Variants in CAMK1 observed in about 807,000 individuals in gnomAD.
The protein encoded by CAMK1 is calcium/calmodulin-dependent protein kinase type 1.
Under a neutral mutation model 49.1 loss-of-function variants are expected in CAMK1, and 39 were observed. The observed-to-expected ratio is 0.79, with a 90% CI of 0.62 to 1.04. The LOEUF (loss-of-function observed/expected upper bound fraction) is 1.04. CAMK1 is among the 50% of genes least tolerant of loss of function. The pLI, the probability that CAMK1 is intolerant of heterozygous loss-of-function variation, is 0.00. For synonymous variants in CAMK1, 192 were observed against 185.2 expected (o/e 1.04, Z -0.30); for missense variants, 457 against 472.2 (o/e 0.97, Z 0.30).
intron 2 of CAMK1, chr3:9,766,666 A>T: frequency 5.8e-6 from 6 of 1,035,004 alleles, no homozygotes; most frequent in Non-Finnish European, 7.0e-6. Context: ...CTGATTAAAG[A>T]GGATTTGCTA....
chr3:9,769,083 C>T (rs528486007), intron 1 of CAMK1, among the ~76,000 whole-genome samples: 1 of 152,044 alleles, frequency 6.6e-6, no homozygotes, highest in Non-Finnish European at 1.5e-5. Flanking sequence ...GACACCTGAT[C>T]ATACATGTAC....
chr3:9,758,834 TG>T (rs2077710691), intron 10 of CAMK1: 1 of 291,900 alleles, frequency 3.4e-6, no homozygotes, highest in Non-Finnish European at 6.7e-6. Context: ...TTTGCCATGT[TG>T]GCCAGGATGG....
chr3:9,759,356 G>T, intron 10 of CAMK1, 132 bp downstream of exon 10: 5 of 1,538,398 alleles, frequency 3.3e-6, no homozygotes, highest in Non-Finnish European at 4.5e-6. Flanking sequence ...AATGAATGAA[G>T]TCCTTCAGTA....
intron 5 of CAMK1, among the ~76,000 whole-genome samples, chr3:9,762,611 C>T (rs1376248156): frequency 6.6e-6 from 1 of 151,866 alleles, no homozygotes; most frequent in East Asian, 1.9e-4. Context: ...GTGATCCACC[C>T]GTCTCTGCCT....
intron 1 of CAMK1, among the ~76,000 whole-genome samples, chr3:9,769,467 A>C (rs1202137777): frequency 6.6e-6 from 1 of 152,070 alleles, no homozygotes; most frequent in African/African-American, 2.4e-5. Context: ...TCTGGAACAA[A>C]AAACACACAG....
Position 9,757,631 on chromosome 3 carries a change from A to C in CAMK1, c.1031-10T>G, listed in dbSNP as rs1421339777. 6.2e-7 allele frequency: 1 copy of C among 1,614,118 alleles called. No individual in the cohort carries two copies. Among genetic ancestry groups the C allele is most frequent in the Non-Finnish European group, 8.5e-7 (1 of 1,180,012 alleles). ...CAGCCAGCTGCCGGCCCTGCATGGG[A>C]AGACAGAACAGAGGTGGCCGCAGGG... On this transcript the variant is annotated splice_polypyrimidine_tract_variant and intron_variant, in intron 11 of 11. Transcript: ENST00000256460. The surrounding 1 kb of genome is among the most constrained non-coding windows in gnomAD (Gnocchi z 4.5).
chr3:9,759,781 G>A, intron 8 of CAMK1, 31 bp from the exon 9 acceptor site: 10 of 1,614,022 alleles, frequency 6.2e-6, no homozygotes, highest in Non-Finnish European at 8.5e-6. Flanking sequence ...CAAAGATAAT[G>A]ACAGCATGGT....
intron 1 of CAMK1, among the ~76,000 whole-genome samples, chr3:9,769,037 C>T (rs769655232): frequency 2.6e-5 from 4 of 152,060 alleles, no homozygotes; most frequent in Non-Finnish European, 5.9e-5. Context: ...AAACACCTGC[C>T]TCCCAGATCC....
At chr3:9,765,259 G>A (rs939162137) in intron 3 of CAMK1, among the ~76,000 whole-genome samples, 1 of 152,066 alleles carries the variant, frequency 6.6e-6, no homozygotes, top group African/African-American at 2.4e-5. Flanking sequence ...GCCCAGGGTG[G>A]TTGGAAGCTC....
intron 4 of CAMK1, 32 bp downstream of exon 4, chr3:9,763,105 GGT>G: frequency 2.5e-6 from 4 of 1,614,164 alleles, no homozygotes; most frequent in Non-Finnish European, 2.5e-6. Flanking sequence ...AGCTGGGAGA[GGT>G]GTGGGGGCAG....
rs544188374 is a variant in CAMK1 at position 9,761,341 on chromosome 3, TGGAAGGAAGGGAGGGAG to T, written c.632+103_632+119del. 3.3e-4 allele frequency: 321 copies of T among 984,704 alleles called. No homozygotes were observed. The African/African-American group carries it at 3.8e-3, about 12-fold the overall frequency. The allele number at this position is 984,704 out of a possible 1,614,324, so 61.0% of individuals were successfully genotyped here. ...TGAAGTAATACTGGTAATTGATTGG[TGGAAGGAAGGGAGGGAG>T]GGAAGGAAGGGAGGGCAGAGGGAGA... is the stretch of plus-strand genomic sequence containing the variant. On this transcript the variant is annotated intron_variant, in intron 7 of 11. Coordinates refer to ENST00000256460, the MANE Select transcript of CAMK1 (RefSeq NM_003656.5).
intron 1 of CAMK1, among the ~76,000 whole-genome samples, chr3:9,769,163 GTCCA>G (rs1322050480): frequency 1.3e-5 from 2 of 151,678 alleles, no homozygotes; most frequent in Non-Finnish European, 2.9e-5. Context: ...ACACCTGCCT[GTCCA>G]TCCAAACATC....
At chr3:9,768,770 T>C (rs1407725627) in intron 1 of CAMK1, among the ~76,000 whole-genome samples, 1 of 152,156 alleles carries the variant, frequency 6.6e-6, no homozygotes, top group Non-Finnish European at 1.5e-5. Flanking sequence ...TCTCTTTTTC[T>C]CTAAGGGAGA....
At position 9,767,776 on chromosome 3, in the gene CAMK1, G is replaced by C; in HGVS notation, c.-27C>G. ...GCCCACTGCCCCCCGACCACAGCCA[G>C]GGCTCCTGTAAGGAGAATGGAAGGA... On this transcript the variant is annotated 5_prime_UTR_variant, in exon 2 of 12. Transcript: ENST00000256460. 1 of 1,613,346 alleles carries C rather than the reference G, an allele frequency of 6.2e-7. No homozygotes were observed.
At chr3:9,760,578 G>T in intron 8 of CAMK1, 78 bp downstream of exon 8, 2 of 1,461,358 alleles carry the variant, frequency 1.4e-6, no homozygotes, top group Non-Finnish European at 1.9e-6. Context: ...AAGGAAGGCA[G>T]GAGGGAGACC....
chr3:9,757,910 CA>C lies in CAMK1; in HGVS notation c.913-65del, dbSNP rs2077662207. ...CTTTTGAGAGAGTCAAGTCATGGGGCAGGGGCGCAGTGGGATTCTTGCAATT... is the reference window on the plus strand; with the variant it reads ...CTTTTGAGAGAGTCAAGTCATGGGGCGGGGCGCAGTGGGATTCTTGCAATT... On this transcript the variant is annotated intron_variant, in intron 10 of 11. Coordinates refer to ENST00000256460, the MANE Select transcript of CAMK1 (RefSeq NM_003656.5). This position sits in a 1 kb window ranked among gnomAD's most constrained non-coding sequence, Gnocchi z 4.5. The C allele has an allele frequency of 3.3e-6, 5 of 1,538,186 alleles. No homozygotes were observed. The Admixed American group carries it at 1.0e-4, about 31-fold the overall frequency.
chr3:9,761,097 G>A, intron 7 of CAMK1: 1 of 346,570 alleles, frequency 2.9e-6, no homozygotes, highest in East Asian at 5.9e-5. Flanking sequence ...TACTGAAATG[G>A]CATCACCCCG....
At chr3:9,766,044 G>T in intron 2 of CAMK1, 154 bp from the exon 3 acceptor site, 1 of 1,603,816 alleles carries the variant, frequency 6.2e-7, no homozygotes, top group Non-Finnish European at 8.5e-7. Context: ...TCCAGAGATG[G>T]TCACATGACC....
chr3:9,761,387 G>A (rs2077862152), intron 7 of CAMK1, 74 bp downstream of exon 7: 2 of 1,475,848 alleles, frequency 1.4e-6, no homozygotes, highest in East Asian at 4.6e-5. Context: ...AGGGAGAGCA[G>A]AGGAAGGAAG....
Sources: allele counts gnomAD v4.1 joint callset (sites outside exome capture counted in the v4.1 genomes callset), GRCh38; gene constraint gnomAD v4.1.1; non-coding constraint Gnocchi (gnomAD v3.1); transcripts MANE v1.5; gene names NCBI Gene and HGNC (gene_info 2026-07-23, HGNC 2026-07-21).